GPD2: variants seen among roughly 807,000 people sequenced by gnomAD.
GPD2 encodes the protein glycerol-3-phosphate dehydrogenase, mitochondrial.
A neutral mutation model predicts 82.4 loss-of-function variants in GPD2; 54 were observed. The observed-to-expected ratio is 0.66, with a 90% CI of 0.53 to 0.82. The LOEUF (loss-of-function observed/expected upper bound fraction) is 0.82, where lower values mean the gene tolerates loss of function less well. Among genes scored for constraint, GPD2 ranks in the 40% least tolerant of loss-of-function variants. GPD2 has a pLI of 0.00. For synonymous variants in GPD2, 288 were observed against 306.1 expected, an observed-to-expected ratio of 0.94 and a Z score of 0.62; for missense variants, 748 against 896.2, an observed-to-expected ratio of 0.83 and a Z score of 2.11.
chr2:156,557,489 C>A lies in GPD2; in HGVS notation c.1072C>A (p.Pro358Thr), dbSNP rs1687005573. 1.3e-6 allele frequency: 2 copies of A among 1,597,960 alleles called. No homozygotes were observed. Residue 358 changes from proline (P) to threonine (T), a missense_variant, in exon 9 of 17, where the codon CCA becomes ACA. By Grantham distance (38) the Pro-to-Thr change is conservative. This residue lies in a region of GPD2 where 692 missense variants were observed against 809.7 expected (regional missense o/e 0.85). Transcript: ENST00000438166. Reference protein sequence around the residue: ...KMTIAGTTDTPTDVTHHPIPS... With the variant: ...KMTIAGTTDTTTDVTHHPIPS... ...GACGATCGCTGGCACTACTGATACT[C>A]CAACTGATGTTACACACCATCCAAT...
chr2:156,400,615 G>A, the GPD2 span, among the ~76,000 whole-genome samples: 16 of 152,370 alleles, frequency 1.1e-4, 1 homozygote, highest in South Asian at 2.9e-3. Context: ...TGAATGCACA[G>A]TGGAAACAAC....
chr2:156,429,017 T>G, the GPD2 span, among the ~76,000 whole-genome samples: 1 of 152,266 alleles, frequency 6.6e-6, no homozygotes, highest in Non-Finnish European at 1.5e-5. Context: ...ACTTTAAAGC[T>G]AATCATGTAC....
intron 8 of GPD2, among the ~76,000 whole-genome samples, chr2:156,551,998 A>G (rs138579691): frequency 9.7e-4 from 147 of 152,276 alleles, no homozygotes; most frequent in African/African-American, 3.4e-3. Flanking sequence ...TAATACTTCC[A>G]TTCTCCTAGA....
intron 1 of GPD2, among the ~76,000 whole-genome samples, chr2:156,455,340 G>A (rs1009898058): frequency 1.3e-5 from 2 of 152,198 alleles, no homozygotes; most frequent in African/African-American, 4.8e-5. Context: ...ATGTTATGAA[G>A]ATGAATGTAA....
the GPD2 span, among the ~76,000 whole-genome samples, chr2:156,412,782 G>A: frequency 1.2e-4 from 18 of 152,126 alleles, no homozygotes; most frequent in African/African-American, 4.3e-4. Flanking sequence ...AAAACAGTAA[G>A]CAGAAAATTA....
In GPD2 at chr2:156,578,870, G is replaced by A. The variant is rs1388682171; in HGVS notation, c.1768-19G>A. The A allele has an allele frequency of 1.5e-6, 2 of 1,312,600 alleles. No individual in the cohort carries two copies. The highest frequency in any genetic ancestry group is 1.2e-5 in the South Asian group (1 of 84,880). The allele number at this position is 1,312,600 out of a possible 1,614,324, so 81.3% of individuals were successfully genotyped here. On this transcript the variant is annotated intron_variant, in intron 13 of 16. Coordinates refer to ENST00000438166, the MANE Select transcript of GPD2 (RefSeq NM_000408.5). ...ATATTTCCATGTGTCTTTGAACTTT[G>A]TGTGTATCTCTGTTTTAGGAACAAC...
intron 6 of GPD2, among the ~76,000 whole-genome samples, chr2:156,528,181 A>G (rs1251052580): frequency 6.6e-6 from 1 of 152,112 alleles, no homozygotes; most frequent in Non-Finnish European, 1.5e-5. Flanking sequence ...TTAATAGATA[A>G]TAGTCCACGC....
Position 156,496,039 on chromosome 2 carries a change from A to C in GPD2, c.103-5A>C, listed in dbSNP as rs748309922. The stretch of plus-strand genomic sequence containing the variant: ...ACAACTGAAAGTGATCTGCTTTTAC[A>C]TCAGATGAACCTGGCCTATGTTAAA... On this transcript the variant is annotated splice_region_variant and splice_polypyrimidine_tract_variant and intron_variant, in intron 2 of 16. Coordinates refer to ENST00000438166, the MANE Select transcript of GPD2 (RefSeq NM_000408.5). 6.2e-7 allele frequency: 1 copy of C among 1,609,376 alleles called. No individual in the cohort carries two copies. Among genetic ancestry groups the C allele is most frequent in the Non-Finnish European group, 8.5e-7 (1 of 1,176,408 alleles).
At chr2:156,480,042 A>C (rs912127033) in intron 2 of GPD2, among the ~76,000 whole-genome samples, 1 of 152,200 alleles carries the variant, frequency 6.6e-6, no homozygotes. Context: ...TTCACTATTT[A>C]GTATAGGTTG....
chr2:156,536,660 G>C (rs1686094367), intron 6 of GPD2, among the ~76,000 whole-genome samples: 1 of 152,200 alleles, frequency 6.6e-6, no homozygotes, highest in Non-Finnish European at 1.5e-5. Flanking sequence ...TCCTAAGGTA[G>C]AGGCAGAGAA....
chr2:156,442,334 A>G (rs1051175079), intron 1 of GPD2, among the ~76,000 whole-genome samples: 1 of 152,220 alleles, frequency 6.6e-6, no homozygotes, highest in African/African-American at 2.4e-5. Flanking sequence ...GAAACTTTAG[A>G]TAGCTATATA....
intron 6 of GPD2, among the ~76,000 whole-genome samples, chr2:156,521,583 T>C (rs796636265): frequency 1.3e-5 from 2 of 152,330 alleles, no homozygotes; most frequent in African/African-American, 4.8e-5. Flanking sequence ...TATTCCAAAG[T>C]GAAGCATCAG....
upstream of GPD2, among the ~76,000 whole-genome samples, chr2:156,434,115 A>G (rs146374618): frequency 2.8e-3 from 429 of 152,134 alleles, 2 homozygotes; most frequent in African/African-American, 9.9e-3. Flanking sequence ...TTATTTATTT[A>G]TTTTTTGAGA....
intron 8 of GPD2, among the ~76,000 whole-genome samples, chr2:156,551,650 G>A (rs1686763372): frequency 6.6e-6 from 1 of 152,036 alleles, no homozygotes; most frequent in African/African-American, 2.4e-5. Flanking sequence ...CCTCACCTTA[G>A]GGTAATAGAT....
the GPD2 span, among the ~76,000 whole-genome samples, chr2:156,414,940 A>C: frequency 6.6e-6 from 1 of 152,160 alleles, no homozygotes; most frequent in African/African-American, 2.4e-5. Flanking sequence ...AAATTATATG[A>C]TGAGTTAATG....
At chr2:156,448,886 T>C (rs961220235) in intron 1 of GPD2, among the ~76,000 whole-genome samples, 4 of 152,228 alleles carry the variant, frequency 2.6e-5, no homozygotes, top group Non-Finnish European at 5.9e-5. Context: ...TCAGTTTCAC[T>C]GTGCCAAAAT....
chr2:156,518,776 G>C (rs1190041234), intron 6 of GPD2, among the ~76,000 whole-genome samples: 1 of 152,178 alleles, frequency 6.6e-6, no homozygotes, highest in Non-Finnish European at 1.5e-5. Flanking sequence ...CAGAGTTGTT[G>C]AATGAATTGG....
chr2:156,451,163 T>C (rs1055916172), intron 1 of GPD2, among the ~76,000 whole-genome samples: 5 of 151,738 alleles, frequency 3.3e-5, no homozygotes, highest in Non-Finnish European at 5.9e-5. Flanking sequence ...TGGCCCGTTC[T>C]CAATGAGCTG....
intron 8 of GPD2, among the ~76,000 whole-genome samples, chr2:156,552,086 C>CT (rs1479302779): frequency 6.6e-6 from 1 of 152,150 alleles, no homozygotes; most frequent in Non-Finnish European, 1.5e-5. Flanking sequence ...CCTGAAGAGT[C>CT]TAAGATGCAC....
Sources: allele counts gnomAD v4.1 joint callset (sites outside exome capture counted in the v4.1 genomes callset), GRCh38; gene constraint gnomAD v4.1.1; regional missense constraint gnomAD v4.1.1; transcripts MANE v1.5; gene names NCBI Gene and HGNC (gene_info 2026-07-23, HGNC 2026-07-21).